UBE2O: variants seen among roughly 807,000 people sequenced by gnomAD.
The protein encoded by UBE2O is ubiquitin conjugating enzyme E2 O.
In UBE2O, 15 loss-of-function variants were observed where a neutral mutation model predicts 125.8. The observed-to-expected ratio is 0.12, with a 90% confidence interval of 0.08 to 0.18. UBE2O has a LOEUF of 0.18. UBE2O is among the 10% of genes least tolerant of loss of function. The pLI is 1.00. For synonymous variants in UBE2O, 708 were observed against 703.2 expected, an observed-to-expected ratio of 1.01 and a Z score of -0.11; for missense variants, 1,280 against 1,723.6, an observed-to-expected ratio of 0.74 and a Z score of 4.56.
At position 76,390,822 on chromosome 17, in the gene UBE2O, A is replaced by C. The variant is rs903241335; in HGVS notation, c.*121T>G. The C allele has an allele frequency of 1.6e-5, 16 of 974,788 alleles. No homozygotes were observed. Among genetic ancestry groups the C allele is most frequent in the Non-Finnish European group, 2.3e-5 (15 of 665,998 alleles). The allele number at this position is 974,788 out of a possible 1,614,324, so 60.4% of individuals were successfully genotyped here. On this transcript the variant is annotated 3_prime_UTR_variant, in exon 18 of 18. Transcript: ENST00000319380. ...CAGCATCAAACTCACCTTGGGGAGA[A>C]GAGGGCAGTGGGTTTGCAGTGGGGA...
rs445683 is a variant in UBE2O, at chr17:76,405,440, C to T, written c.477+73G>A. 478,243 of 1,523,032 alleles carry T rather than the reference C, an allele frequency of 0.31. 83,452 individuals carry two copies. The highest frequency in any genetic ancestry group is 0.63 in the African/African-American group (46,458 of 73,380). 94.3% of individuals were successfully genotyped at this position (1,523,032 alleles called of 1,614,324 possible). The stretch of plus-strand genomic sequence containing the variant: ...GGCCAGTTCTCCCACATGCAGAGTG[C>T]GAGGTGGGCAGGCTCAAGTCCCTAA... On this transcript the variant is annotated intron_variant, in intron 2 of 17. Transcript: ENST00000319380. This position sits in a 1 kb window ranked among gnomAD's most constrained non-coding sequence, Gnocchi z 6.1.
chr17:76,448,609 TAAAAC>T (rs998797716), intron 1 of UBE2O, among the ~76,000 whole-genome samples: 5 of 152,202 alleles, frequency 3.3e-5, no homozygotes, highest in Non-Finnish European at 1.5e-5. Flanking sequence ...CATGGCAACT[TAAAAC>T]AAAAGACAAT....
intron 1 of UBE2O, among the ~76,000 whole-genome samples, chr17:76,416,260 GTA>G (rs951171598): frequency 6.6e-6 from 1 of 151,760 alleles, no homozygotes; most frequent in Non-Finnish European, 1.5e-5. Flanking sequence ...GTATGTATAT[GTA>G]TATATATAAA....
chr17:76,420,526 C>T (rs895169521), intron 1 of UBE2O, among the ~76,000 whole-genome samples: 1 of 152,100 alleles, frequency 6.6e-6, no homozygotes, highest in Admixed American at 6.5e-5. Flanking sequence ...GCCAGGAGAA[C>T]CTACACTAGA....
chr17:76,446,480 AAAC>A (rs2073154684), intron 1 of UBE2O, among the ~76,000 whole-genome samples: 3 of 152,298 alleles, frequency 2.0e-5, no homozygotes, highest in South Asian at 4.1e-4. Context: ...AAAACCAAAC[AAAC>A]AAAACAGAGA....
At chr17:76,444,797 T>C (rs1464152559) in intron 1 of UBE2O, among the ~76,000 whole-genome samples, 1 of 152,188 alleles carries the variant, frequency 6.6e-6, no homozygotes, top group Non-Finnish European at 1.5e-5. Flanking sequence ...TCATCAACCT[T>C]CAGGGCCCTC....
intron 1 of UBE2O, among the ~76,000 whole-genome samples, chr17:76,420,649 G>A (rs755514402): frequency 8.5e-5 from 13 of 152,148 alleles, no homozygotes; most frequent in Non-Finnish European, 1.6e-4. Context: ...GGGCTGGGGC[G>A]CTGCAGACAT....
intron 1 of UBE2O, among the ~76,000 whole-genome samples, chr17:76,414,498 G>A (rs1254573011): frequency 2.0e-5 from 3 of 152,180 alleles, no homozygotes; most frequent in Admixed American, 6.5e-5. Context: ...CAGGAGGACC[G>A]GGGTTGCAGG....
At chr17:76,434,976 A>G (rs1396496956) in intron 1 of UBE2O, among the ~76,000 whole-genome samples, 1 of 152,000 alleles carries the variant, frequency 6.6e-6, no homozygotes, top group Non-Finnish European at 1.5e-5. Flanking sequence ...CTATCCCCAA[A>G]ATGGCAGAGC....
chr17:76,402,267 C>A lies in UBE2O; in HGVS notation c.687-140G>T, dbSNP rs888849674. 1.3e-6 allele frequency: 1 copy of A among 758,382 alleles called. No homozygotes were observed. The highest frequency in any genetic ancestry group is 2.2e-6 in the Non-Finnish European group (1 of 464,110). 47.0% of individuals were successfully genotyped at this position (758,382 alleles called of 1,614,324 possible). A position where few individuals can be genotyped will look rare whatever the true frequency, so the allele number is the denominator to read the frequency against. On this transcript the variant is annotated intron_variant, in intron 4 of 17. Transcript: ENST00000319380. This position sits in a 1 kb window ranked among gnomAD's most constrained non-coding sequence, Gnocchi z 5.4. The stretch of plus-strand genomic sequence containing the variant: ...ACCATCAACTCAGCCCGAGGTAGTA[C>A]AAGAAACTCTCCCACAACGAACAAG...
At chr17:76,430,992 C>T (rs2072898204) in intron 1 of UBE2O, 1 of 225,860 alleles carries the variant, frequency 4.4e-6, no homozygotes, top group African/African-American at 2.3e-5. Context: ...AGTTTCCTCC[C>T]TGCCTTTTGA....
intron 15 of UBE2O, among the ~76,000 whole-genome samples, chr17:76,393,922 C>CGATA (rs939572219): frequency 3.9e-5 from 6 of 152,212 alleles, no homozygotes; most frequent in Non-Finnish European, 7.4e-5. Flanking sequence ...TGGGAGCCTC[C>CGATA]AGGGAATGCA....
Position 76,400,393 on chromosome 17 carries a change from C to T in UBE2O, c.1004+48G>A, listed in dbSNP as rs2072298751. The T allele has an allele frequency of 1.3e-6, 2 of 1,596,940 alleles. No homozygotes were observed. The highest frequency in any genetic ancestry group is 1.1e-5 in the South Asian group (1 of 89,364). ...CAGGCATGTGACCAGGGCCCAGAGC[C>T]CTGTCCCACGCGTGCCCCTGGGTTG... On this transcript the variant is annotated intron_variant, in intron 7 of 17. Coordinates refer to ENST00000319380, the MANE Select transcript of UBE2O (RefSeq NM_022066.4). The surrounding 1 kb of genome is among the most constrained non-coding windows in gnomAD (Gnocchi z 4.3).
In UBE2O at chr17:76,399,330, G is replaced by C; in HGVS notation, c.1628+119C>G. The C allele has an allele frequency of 5.9e-6, 6 of 1,012,028 alleles. No homozygotes were observed. Among genetic ancestry groups the C allele is most frequent in the South Asian group, 3.6e-5 (2 of 56,104 alleles). The allele number at this position is 1,012,028 out of a possible 1,614,324, so 62.7% of individuals were successfully genotyped here. A position where few individuals can be genotyped will look rare whatever the true frequency, so the allele number is the denominator to read the frequency against. Reference sequence around the variant, plus strand: ...TACGTTGTCTCGGGTGGGAGCCCCGGAGCCACTACAAGGCATGCAGAGGTG... The same window carrying C: ...TACGTTGTCTCGGGTGGGAGCCCCGCAGCCACTACAAGGCATGCAGAGGTG... On this transcript the variant is annotated intron_variant, in intron 9 of 17. Transcript: ENST00000319380. The surrounding 1 kb of genome is among the most constrained non-coding windows in gnomAD (Gnocchi z 6.9).
At chr17:76,397,453 T>TA (rs1036775160) in intron 13 of UBE2O, among the ~76,000 whole-genome samples, 13 of 152,210 alleles carry the variant, frequency 8.5e-5, no homozygotes, top group Non-Finnish European at 1.6e-4. Context: ...CCTTCTCTGT[T>TA]AGAGCTTTCT....
chr17:76,409,183 T>C (rs1464054981), intron 1 of UBE2O, among the ~76,000 whole-genome samples: 1 of 152,114 alleles, frequency 6.6e-6, no homozygotes, highest in African/African-American at 2.4e-5. Context: ...TTAGCCACGA[T>C]GCTCTCGATC....
rs2072298057 is a variant in UBE2O at position 76,400,354 on chromosome 17, T to C, written c.1005-57A>G. The stretch of plus-strand genomic sequence containing the variant: ...CTGGACTCCTGGGAGGCCAGCAGTG[T>C]TCTTAAGCCTCCCCAGGCATGTGAC... On this transcript the variant is annotated intron_variant, in intron 7 of 17. Coordinates refer to ENST00000319380, the MANE Select transcript of UBE2O (RefSeq NM_022066.4). This position sits in a 1 kb window ranked among gnomAD's most constrained non-coding sequence, Gnocchi z 4.3. 5 of 1,598,842 alleles carry C rather than the reference T, an allele frequency of 3.1e-6. No individual in the cohort carries two copies. Among genetic ancestry groups the C allele is most frequent in the Non-Finnish European group, 4.3e-6 (5 of 1,170,314 alleles).
rs2072083498 is a variant in UBE2O, at chr17:76,390,328, G to C, written c.*615C>G. ...TAGCCTGGTCCCAACCTCTCTTAGA[G>C]AGCAAGTTCAACAGGCCTGAGGGCT... On this transcript the variant is annotated 3_prime_UTR_variant, in exon 18 of 18. Coordinates refer to ENST00000319380, the MANE Select transcript of UBE2O (RefSeq NM_022066.4). 6.5e-6 allele frequency: 1 copy of C among 152,774 alleles called. No individual in the cohort carries two copies. Among genetic ancestry groups the C allele is most frequent in the African/African-American group, 2.4e-5 (1 of 41,472 alleles). 9.5% of individuals were successfully genotyped at this position (152,774 alleles called of 1,614,324 possible).
intron 1 of UBE2O, among the ~76,000 whole-genome samples, chr17:76,443,404 C>G (rs895753828): frequency 6.6e-6 from 1 of 152,038 alleles, no homozygotes; most frequent in African/African-American, 2.4e-5. Context: ...TTCTCCTGCC[C>G]TAGCCTCCCG....
Sources: gnomAD v4.1 joint callset for allele counts (sites outside exome capture counted in the v4.1 genomes callset) on GRCh38, gnomAD v4.1.1 for gene constraint, Gnocchi (gnomAD v3.1) non-coding constraint, MANE v1.5 for transcripts, NCBI Gene and HGNC (gene_info 2026-07-23, HGNC 2026-07-21) for gene names.